The following ZNF248 variants were observed in gnomAD, a reference collection of about 807,000 sequenced individuals.
ZNF248 encodes the protein KRAB protein domain.
A neutral mutation model predicts 44.3 loss-of-function variants in ZNF248; 20 were observed. The observed-to-expected ratio is 0.45, with a 90% CI of 0.32 to 0.66. The LOEUF is 0.66. Ranked by LOEUF, ZNF248 falls within the 30% of genes least tolerant of loss-of-function variation. The pLI is 0.04. For synonymous variants in ZNF248, 224 were observed against 229.0 expected (o/e 0.98, Z 0.20); for missense variants, 654 against 677.0 (o/e 0.97, Z 0.38).
the ZNF248 span, among the ~76,000 whole-genome samples, chr10:37,770,196 G>T: frequency 6.6e-6 from 1 of 152,144 alleles, no homozygotes; most frequent in South Asian, 2.1e-4. Flanking sequence ...TGGCCATACT[G>T]CCCAAGGTAA....
At chr10:37,772,124 G>T (rs765804407), downstream of ZNF248, among the ~76,000 whole-genome samples, 2 of 152,112 alleles carry the variant, frequency 1.3e-5, no homozygotes, top group South Asian at 2.1e-4. Flanking sequence ...AATCAGCCAG[G>T]CGTGGTGGCA....
rs558173599 is a variant in ZNF248, at chr10:37,843,869, G to C, written c.16-5758C>G. On this transcript the variant is annotated intron_variant, in intron 3 of 5. Transcript: ENST00000395867. ...TTGAAGTAATCTGGTATGAGGAGCA[G>C]AACAGAAAAAAATATATAAAGAAAT... 4.0e-5 allele frequency among the ~76,000 whole-genome samples: 6 copies of C among 151,856 alleles called. No individual in the cohort carries two copies. In the East Asian group the frequency reaches 1.2e-3, roughly 29 times the overall value.
At chr10:37,789,701 G>A (rs559830612) in intron 6 of ZNF248, among the ~76,000 whole-genome samples, 20 of 152,282 alleles carry the variant, frequency 1.3e-4, no homozygotes, top group Admixed American at 2.6e-4. Context: ...CAGAAAATAT[G>A]AACTCTATAA....
At chr10:37,787,653 A>C (rs1329764502) in intron 6 of ZNF248, among the ~76,000 whole-genome samples, 1 of 152,172 alleles carries the variant, frequency 6.6e-6, no homozygotes, top group African/African-American at 2.4e-5. Context: ...TGCCAAAAAA[A>C]AAAAATAGTA....
chr10:37,810,546 A>G (rs1485051578), intron 6 of ZNF248, among the ~76,000 whole-genome samples: 1 of 152,202 alleles, frequency 6.6e-6, no homozygotes, highest in Non-Finnish European at 1.5e-5. Flanking sequence ...AGTTTTTCCA[A>G]CATATTGGAA....
At chr10:37,822,813 G>A (rs1056552086) in intron 6 of ZNF248, among the ~76,000 whole-genome samples, 1 of 152,124 alleles carries the variant, frequency 6.6e-6, no homozygotes, top group Non-Finnish European at 1.5e-5. Flanking sequence ...ACAAATTTGT[G>A]TTGGGCTGCA....
chr10:37,772,337 CAA>C (rs2046284853), downstream of ZNF248, among the ~76,000 whole-genome samples: 1 of 151,742 alleles, frequency 6.6e-6, no homozygotes, highest in South Asian at 2.1e-4. Flanking sequence ...TACTATCATG[CAA>C]AGTGAGAACC....
At chr10:37,763,720 A>T in the ZNF248 span, among the ~76,000 whole-genome samples, 2 of 152,092 alleles carry the variant, frequency 1.3e-5, no homozygotes, top group Non-Finnish European at 2.9e-5. Flanking sequence ...GACCCTGAAC[A>T]GAGGGACCGG....
chr10:37,770,436 A>G, the ZNF248 span, among the ~76,000 whole-genome samples: 72,674 of 151,952 alleles, frequency 0.48, 17,715 homozygotes, highest in East Asian at 0.56. Context: ...ATAGATCAAT[A>G]GAACAGAACA....
chr10:37,822,823 A>G (rs2133675761), intron 6 of ZNF248, among the ~76,000 whole-genome samples: 1 of 152,286 alleles, frequency 6.6e-6, no homozygotes, highest in South Asian at 2.1e-4. Context: ...GTTGGGCTGC[A>G]TTCAAAGTCA....
intron 3 of ZNF248, among the ~76,000 whole-genome samples, chr10:37,855,732 A>G (rs1332902864): frequency 6.6e-6 from 1 of 152,260 alleles, no homozygotes; most frequent in African/African-American, 2.4e-5. Flanking sequence ...GGCCTTTGCC[A>G]GAACTGATTC....
chr10:37,817,541 T>C (rs2133542089), intron 6 of ZNF248, among the ~76,000 whole-genome samples: 1 of 152,198 alleles, frequency 6.6e-6, no homozygotes, highest in African/African-American at 2.4e-5. Context: ...CTCAATTTTT[T>C]CCCTACTGAG....
chr10:37,781,649 A>G (rs1440239938), intron 6 of ZNF248, among the ~76,000 whole-genome samples: 2 of 152,204 alleles, frequency 1.3e-5, no homozygotes. Context: ...CCTCTGGGCT[A>G]CCCACATTTG....
intron 6 of ZNF248, among the ~76,000 whole-genome samples, chr10:37,806,983 A>ATT (rs80158974): frequency 0.069 from 10,379 of 149,374 alleles, 392 homozygotes; most frequent in Middle Eastern, 0.097. Context: ...TTTTCCCAGC[A>ATT]TTTTTTTTTT....
the ZNF248 span, among the ~76,000 whole-genome samples, chr10:37,761,293 G>T: frequency 6.6e-6 from 1 of 152,184 alleles, no homozygotes; most frequent in African/African-American, 2.4e-5. Flanking sequence ...ATGAAGGCAG[G>T]TTGGTAACTA....
chr10:37,769,425 T>G, the ZNF248 span, among the ~76,000 whole-genome samples: 2 of 152,172 alleles, frequency 1.3e-5, no homozygotes, highest in African/African-American at 2.4e-5. Flanking sequence ...TTATCCACCA[T>G]GATCAAGTGG....
At chr10:37,784,852 A>G (rs540788210) in intron 6 of ZNF248, among the ~76,000 whole-genome samples, 2 of 152,320 alleles carry the variant, frequency 1.3e-5, no homozygotes, top group African/African-American at 4.8e-5. Context: ...TGAGAGAAAA[A>G]CAAAAAACAA....
intron 3 of ZNF248, among the ~76,000 whole-genome samples, chr10:37,848,907 C>A (rs937490802): frequency 7.2e-5 from 11 of 152,050 alleles, no homozygotes; most frequent in African/African-American, 2.7e-4. Flanking sequence ...TAGTTCTTCA[C>A]TTTTAAATAT....
chr10:37,790,572 T>C (rs566721489), intron 6 of ZNF248, among the ~76,000 whole-genome samples: 1 of 151,142 alleles, frequency 6.6e-6, no homozygotes, highest in East Asian at 2.0e-4. Context: ...TAGCTGGGCG[T>C]AGTGGCGCAC....
Sources: gnomAD v4.1 joint callset for allele counts (sites outside exome capture counted in the v4.1 genomes callset) on GRCh38, gnomAD v4.1.1 for gene constraint, MANE v1.5 for transcripts, NCBI Gene and HGNC (gene_info 2026-07-23, HGNC 2026-07-21) for gene names.